The following COBL variants were observed in gnomAD, a reference collection of about 807,000 sequenced individuals.
The protein encoded by COBL is cordon-bleu WH2 repeat protein.
A neutral mutation model predicts 98.8 loss-of-function variants in COBL; 51 were observed. The observed-to-expected ratio is 0.52, with a 90% CI of 0.41 to 0.65. COBL has a LOEUF of 0.65. Among genes scored for constraint, COBL ranks in the 30% least tolerant of loss-of-function variants. The probability of loss-of-function intolerance (pLI) is 0.00; values close to 1 mark genes in which losing one functional copy is unlikely to be tolerated. For synonymous variants in COBL, 634 were observed against 651.7 expected (o/e 0.97, Z 0.41); for missense variants, 1,617 against 1,617.5 (o/e 1.00, Z 0.01).
At chr7:51,302,983 C>T (rs1030657613) in intron 1 of COBL, among the ~76,000 whole-genome samples, 2 of 152,166 alleles carry the variant, frequency 1.3e-5, no homozygotes, top group Non-Finnish European at 2.9e-5. Context: ...CGCAATGCTG[C>T]AACTATGACA....
intron 7 of COBL, among the ~76,000 whole-genome samples, chr7:51,045,484 G>C (rs1789601868): frequency 6.6e-6 from 1 of 152,220 alleles, no homozygotes; most frequent in South Asian, 2.1e-4. Context: ...CATAGGCAGA[G>C]TGTGGCAGGC....
chr7:51,157,518 C>T (rs1786294629), intron 5 of COBL, among the ~76,000 whole-genome samples: 1 of 152,186 alleles, frequency 6.6e-6, no homozygotes, highest in Admixed American at 6.5e-5. Context: ...GCTGATGGGA[C>T]AGACTCAAAG....
At chr7:51,216,337 C>T (rs1461326576) in intron 2 of COBL, among the ~76,000 whole-genome samples, 1 of 152,192 alleles carries the variant, frequency 6.6e-6, no homozygotes, top group Non-Finnish European at 1.5e-5. Flanking sequence ...AGCACCACCA[C>T]ACCCAGCTAA....
At chr7:51,086,358 GAAAAAAA>G (rs57609497) in intron 6 of COBL, among the ~76,000 whole-genome samples, 1 of 74,812 alleles carries the variant, frequency 1.3e-5, no homozygotes, top group Admixed American at 1.6e-4. Flanking sequence ...CTGTGTCTCA[GAAAAAAA>G]AAAAAAAAAA....
intron 2 of COBL, among the ~76,000 whole-genome samples, chr7:51,197,438 T>C (rs1421280433): frequency 6.6e-6 from 1 of 152,220 alleles, no homozygotes; most frequent in African/African-American, 2.4e-5. Flanking sequence ...TATTTCTGAT[T>C]ATGTGATCGA....
chr7:51,311,891 T>C (rs1158138377), intron 1 of COBL, among the ~76,000 whole-genome samples: 1 of 151,538 alleles, frequency 6.6e-6, no homozygotes, highest in East Asian at 1.9e-4. Context: ...GGTCATGAAA[T>C]ACCAACTTTT....
intron 7 of COBL, among the ~76,000 whole-genome samples, chr7:51,045,246 TCA>T (rs1223781405): frequency 1.3e-5 from 2 of 152,324 alleles, no homozygotes; most frequent in South Asian, 2.1e-4. Context: ...AACTCTCAGG[TCA>T]CAGAGACCTG....
chr7:51,051,634 C>T (rs775518194), intron 7 of COBL, among the ~76,000 whole-genome samples: 3 of 152,134 alleles, frequency 2.0e-5, no homozygotes, highest in East Asian at 1.9e-4. Context: ...AGCGATGGTA[C>T]GGAGTGAATT....
rs764650492 is a variant in COBL, at chr7:51,028,597, T to C, written c.2499A>G (p.Arg833=). 3.7e-6 allele frequency: 6 copies of C among 1,614,020 alleles called. No individual in the cohort carries two copies. The Admixed American group carries it at 1.0e-4, about 27-fold the overall frequency. ...CCATGCCCATGGTGGGGGGCTGGTT[T>C]CTCCCCTCCCCTAGGGGGTTCCGGC... ...HEGRNPLGEG[R]NQPPTMGMGH... The change falls in exon 10 of 13, where the codon AGA becomes AGG. Residue 833 remains arginine, a synonymous_variant. Coordinates refer to ENST00000265136, the MANE Select transcript of COBL (RefSeq NM_015198.5).
At chr7:51,252,522 T>A (rs1398399410) in intron 1 of COBL, among the ~76,000 whole-genome samples, 3 of 152,210 alleles carry the variant, frequency 2.0e-5, no homozygotes, top group Non-Finnish European at 2.9e-5. Context: ...CTTAGCCTAA[T>A]GTTTTGAAGG....
intron 1 of COBL, among the ~76,000 whole-genome samples, chr7:51,232,420 C>G (rs950908561): frequency 2.0e-5 from 3 of 152,102 alleles, no homozygotes; most frequent in African/African-American, 7.2e-5. Flanking sequence ...AAAATGGAGC[C>G]ACACTGATGA....
At chr7:51,271,569 G>GA (rs2129164643) in intron 1 of COBL, among the ~76,000 whole-genome samples, 1 of 152,270 alleles carries the variant, frequency 6.6e-6, no homozygotes, top group East Asian at 1.9e-4. Context: ...AAATATTTAA[G>GA]AAAAACAAAG....
At chr7:51,233,133 G>A (rs1230219953) in intron 1 of COBL, among the ~76,000 whole-genome samples, 1 of 152,130 alleles carries the variant, frequency 6.6e-6, no homozygotes, top group Non-Finnish European at 1.5e-5. Flanking sequence ...TTATTTAATG[G>A]CTTCATCATG....
intron 1 of COBL, among the ~76,000 whole-genome samples, chr7:51,285,382 A>G (rs1425321125): frequency 6.7e-6 from 1 of 148,284 alleles, no homozygotes; most frequent in African/African-American, 2.4e-5. Context: ...TCTGCAAAGA[A>G]AAAAAAAAAA....
At chr7:51,202,779 G>A (rs1029567403) in intron 2 of COBL, among the ~76,000 whole-genome samples, 6 of 152,196 alleles carry the variant, frequency 3.9e-5, no homozygotes, top group Admixed American at 1.3e-4. Context: ...AGTGGCTCAC[G>A]CCTGTAATCC....
chr7:51,025,468 G>C (rs953668476), intron 11 of COBL, 96 bp from the exon 12 acceptor site: 7 of 1,299,722 alleles, frequency 5.4e-6, no homozygotes, highest in Non-Finnish European at 7.6e-6. Flanking sequence ...ATGAGGAGAT[G>C]AGGATTGGGG....
At chr7:51,309,379 C>T (rs1172304476) in intron 1 of COBL, among the ~76,000 whole-genome samples, 1 of 152,178 alleles carries the variant, frequency 6.6e-6, no homozygotes, top group East Asian at 1.9e-4. Context: ...CCAACACCAG[C>T]CCAGGACTCC....
At chr7:51,085,018 T>G in intron 7 of COBL, 148 bp downstream of exon 7, 1 of 1,192,142 alleles carries the variant, frequency 8.4e-7, no homozygotes, top group Non-Finnish European at 1.2e-6. Flanking sequence ...TTGCAATTAT[T>G]TCTTTCCAGC....
chr7:51,180,493 C>T (rs890871547), intron 5 of COBL, among the ~76,000 whole-genome samples: 2 of 152,148 alleles, frequency 1.3e-5, no homozygotes, highest in Admixed American at 6.5e-5. Flanking sequence ...GATTCCTTAA[C>T]CAAAAAGTTC....
Sources: allele counts gnomAD v4.1 joint callset (sites outside exome capture counted in the v4.1 genomes callset), GRCh38; gene constraint gnomAD v4.1.1; transcripts MANE v1.5; gene names NCBI Gene and HGNC (gene_info 2026-07-23, HGNC 2026-07-21).